Variants in SLC35F4 observed in about 807,000 individuals in gnomAD.
The protein encoded by SLC35F4 is chromosome 14 open reading frame 36.
In SLC35F4, 24 loss-of-function variants were observed where a neutral mutation model predicts 44.2. The ratio of observed to expected loss-of-function variants is 0.54; its 90% CI spans 0.39 to 0.76. SLC35F4 has a LOEUF of 0.76. SLC35F4 is among the 30% of genes least tolerant of loss of function. The pLI is 0.00. For synonymous variants in SLC35F4, 238 were observed against 223.6 expected (o/e 1.06, Z -0.57); for missense variants, 562 against 586.1 (o/e 0.96, Z 0.42).
At chr14:57,683,614 C>T (rs953835869) in intron 1 of SLC35F4, among the ~76,000 whole-genome samples, 5 of 152,300 alleles carry the variant, frequency 3.3e-5, no homozygotes, top group African/African-American at 9.6e-5. Context: ...CCTGCAAATG[C>T]CTGGACATTT....
chr14:57,981,071 C>A (rs963837817), intron 1 of SLC35F4, among the ~76,000 whole-genome samples: 5 of 152,142 alleles, frequency 3.3e-5, no homozygotes, highest in Non-Finnish European at 5.9e-5. Context: ...AAGGCTGTTG[C>A]CAAACTTCTG....
chr14:57,825,862 C>A (rs1883691797), intron 1 of SLC35F4, among the ~76,000 whole-genome samples: 1 of 151,890 alleles, frequency 6.6e-6, no homozygotes, highest in South Asian at 2.1e-4. Flanking sequence ...TCAAAGAAAT[C>A]AGAGAGGACA....
At chr14:57,749,738 A>G (rs1001997581) in intron 1 of SLC35F4, among the ~76,000 whole-genome samples, 3 of 152,110 alleles carry the variant, frequency 2.0e-5, no homozygotes, top group Non-Finnish European at 4.4e-5. Flanking sequence ...GACACCAACT[A>G]TGCTGTTCTT....
chr14:57,584,527 CCT>C (rs1383975286), intron 3 of SLC35F4, among the ~76,000 whole-genome samples: 1 of 152,152 alleles, frequency 6.6e-6, no homozygotes, highest in African/African-American at 2.4e-5. Flanking sequence ...GACAATTTTA[CCT>C]CTCATATGGA....
At chr14:57,609,720 T>C (rs1253556615) in intron 1 of SLC35F4, among the ~76,000 whole-genome samples, 1 of 152,234 alleles carries the variant, frequency 6.6e-6, no homozygotes, top group Non-Finnish European at 1.5e-5. Flanking sequence ...ATCCTTCTGA[T>C]GTTCACACTG....
intron 1 of SLC35F4, among the ~76,000 whole-genome samples, chr14:57,655,315 C>T (rs1021957203): frequency 3.9e-5 from 6 of 152,098 alleles, no homozygotes; most frequent in South Asian, 2.1e-4. Flanking sequence ...GGAGGCACTG[C>T]GCTGAGTGCT....
At chr14:57,669,992 T>A (rs1021020473) in intron 1 of SLC35F4, among the ~76,000 whole-genome samples, 2 of 152,086 alleles carry the variant, frequency 1.3e-5, no homozygotes, top group South Asian at 4.1e-4. Flanking sequence ...CTATTAATTA[T>A]TGCCTCAATT....
chr14:57,590,226 CAAA>C (rs55850524), intron 2 of SLC35F4, among the ~76,000 whole-genome samples: 1 of 119,172 alleles, frequency 8.4e-6, no homozygotes, highest in African/African-American at 3.3e-5. Context: ...CTTGTCTATG[CAAA>C]AAAAAAAAAA....
intron 1 of SLC35F4, among the ~76,000 whole-genome samples, chr14:57,704,773 T>C (rs1408272169): frequency 6.6e-6 from 1 of 152,176 alleles, no homozygotes; most frequent in Non-Finnish European, 1.5e-5. Flanking sequence ...ACACAGGAAG[T>C]CAACCAAAAT....
intron 1 of SLC35F4, among the ~76,000 whole-genome samples, chr14:57,666,010 A>C (rs550925265): frequency 1.6e-4 from 24 of 152,158 alleles, no homozygotes; most frequent in Non-Finnish European, 2.8e-4. Flanking sequence ...ATCAGAAAAA[A>C]TCACTAATAG....
At chr14:57,716,431 TC>T in intron 1 of SLC35F4, among the ~76,000 whole-genome samples, 1 of 152,262 alleles carries the variant, frequency 6.6e-6, no homozygotes, top group East Asian at 1.9e-4. Flanking sequence ...TATAAATAAC[TC>T]CCACATGCTT....
At chr14:57,747,824 A>G (rs1052842628) in intron 1 of SLC35F4, among the ~76,000 whole-genome samples, 2 of 152,254 alleles carry the variant, frequency 1.3e-5, no homozygotes, top group African/African-American at 4.8e-5. Context: ...TGACATATTC[A>G]CATGAAAATG....
At chr14:57,865,246 G>A (rs912922368) in intron 1 of SLC35F4, among the ~76,000 whole-genome samples, 6 of 152,230 alleles carry the variant, frequency 3.9e-5, no homozygotes, top group South Asian at 2.1e-4. Context: ...CACCAGCGCC[G>A]GGACCCACGT....
At chr14:57,666,920 C>T (rs2074329135) in intron 1 of SLC35F4, among the ~76,000 whole-genome samples, 1 of 152,036 alleles carries the variant, frequency 6.6e-6, no homozygotes, top group African/African-American at 2.4e-5. Context: ...AGACTACAAA[C>T]AAGAAACTAC....
chr14:57,774,101 A>C (rs2077431466), intron 1 of SLC35F4, among the ~76,000 whole-genome samples: 2 of 151,296 alleles, frequency 1.3e-5, no homozygotes, highest in Non-Finnish European at 2.9e-5. Flanking sequence ...GAACATCTCC[A>C]AACGAGGGAA....
chr14:57,566,699 G>C (rs578117120), intron 6 of SLC35F4, 135 bp from the exon 7 acceptor site: 1 of 798,288 alleles, frequency 1.3e-6, no homozygotes, highest in Non-Finnish European at 2.0e-6. Context: ...TCTAATTTTG[G>C]AGATGGATGC....
chr14:57,726,716 A>C (rs1027981256), intron 1 of SLC35F4, among the ~76,000 whole-genome samples: 1 of 152,114 alleles, frequency 6.6e-6, no homozygotes, highest in Non-Finnish European at 1.5e-5. Flanking sequence ...GTTCAAGTTG[A>C]CAAGGGGTGG....
chr14:57,744,850 GC>G, intron 1 of SLC35F4, among the ~76,000 whole-genome samples: 1 of 152,230 alleles, frequency 6.6e-6, no homozygotes. Context: ...ATACTACAAG[GC>G]TACAGTAGCC....
At chr14:57,657,325 A>G (rs746611842) in intron 1 of SLC35F4, among the ~76,000 whole-genome samples, 7 of 152,232 alleles carry the variant, frequency 4.6e-5, no homozygotes, top group Non-Finnish European at 8.8e-5. Flanking sequence ...TGTGTTGAAC[A>G]TAACTTTCCA....
Sources: gnomAD v4.1 joint callset for allele counts (sites outside exome capture counted in the v4.1 genomes callset) on GRCh38, gnomAD v4.1.1 for gene constraint, MANE v1.5 for transcripts, NCBI Gene and HGNC (gene_info 2026-07-23, HGNC 2026-07-21) for gene names.